The following CDKL4 variants were observed in gnomAD, a reference collection of about 807,000 sequenced individuals.
CDKL4 encodes the protein cyclin-dependent kinase-like 4.
A neutral mutation model predicts 42.0 loss-of-function variants in CDKL4; 44 were observed. That is an observed-to-expected ratio of 1.05 (90% CI 0.82 to 1.35). CDKL4 has a LOEUF of 1.35. CDKL4 is among the 40% of genes most tolerant of loss of function. The pLI, the probability that CDKL4 is intolerant of heterozygous loss-of-function variation, is 0.00. For missense variants in CDKL4, 393 were observed against 369.9 expected, an observed-to-expected ratio of 1.06 and a Z score of -0.51; for synonymous variants, 120 against 121.6, an observed-to-expected ratio of 0.99 and a Z score of 0.09.
exon 6 of CDKL4, chr2:39,190,311 T>C (rs1439006185): frequency 6.2e-7 from 1 of 1,613,844 alleles, no homozygotes; most frequent in South Asian, 1.1e-5. Flanking sequence ...ATACCTAGTG[T>C]TCTGATTATC....
downstream of CDKL4, chr2:39,175,618 G>C (rs1015944807): frequency 2.4e-5 from 4 of 168,186 alleles, no homozygotes; most frequent in African/African-American, 2.4e-5. Context: ...AGTGAGGCAG[G>C]CTATTTGATA....
intron 3 of CDKL4, among the ~76,000 whole-genome samples, chr2:39,217,279 T>G (rs984652680): frequency 6.6e-6 from 1 of 152,180 alleles, no homozygotes; most frequent in Admixed American, 6.5e-5. Context: ...CTGAAAGTAA[T>G]ACTAAAAGTC....
chr2:39,208,266 G>C (rs915909085), intron 4 of CDKL4, among the ~76,000 whole-genome samples: 1 of 151,910 alleles, frequency 6.6e-6, no homozygotes, highest in Non-Finnish European at 1.5e-5. Flanking sequence ...CTTGCAATCA[G>C]CTTATTTTCC....
chr2:39,246,776 C>T (rs527408104), upstream of CDKL4, among the ~76,000 whole-genome samples: 52 of 152,144 alleles, frequency 3.4e-4, no homozygotes, highest in African/African-American at 1.2e-3. Flanking sequence ...CAGAGGCTCA[C>T]TCTGTTGCCT....
intron 4 of CDKL4, among the ~76,000 whole-genome samples, chr2:39,210,315 A>T (rs188446029): frequency 4.3e-4 from 65 of 152,242 alleles, no homozygotes; most frequent in Admixed American, 3.8e-3. Flanking sequence ...TTTTTAATAG[A>T]GGCCACATAT....
Position 39,238,375 on chromosome 2 carries a change from T to C in CDKL4, c.-57+5496A>G, listed in dbSNP as rs187321430. Among the ~76,000 whole-genome samples, 176 of 152,252 alleles carry C rather than the reference T, an allele frequency of 1.2e-3. 1 individual carries two copies. The highest frequency in any genetic ancestry group is 2.1e-4 in the South Asian group (1 of 4,810). On this transcript the variant is annotated intron_variant, in intron 1 of 9. Transcript: ENST00000451199. ...CTGAGCCCAGGAGTTTGAGGCTACA[T>C]TGAGTTATGATTATGCCACTGCACT...
intron 4 of CDKL4, among the ~76,000 whole-genome samples, chr2:39,212,675 T>C (rs1251309486): frequency 6.6e-6 from 1 of 152,074 alleles, no homozygotes; most frequent in Non-Finnish European, 1.5e-5. Context: ...ACTATTATTT[T>C]TGGAGACAGG....
chr2:39,233,653 G>A (rs956096124), intron 1 of CDKL4, among the ~76,000 whole-genome samples: 1 of 151,586 alleles, frequency 6.6e-6, no homozygotes, highest in Non-Finnish European at 1.5e-5. Flanking sequence ...AGGGAAAGCC[G>A]TCCCCATACA....
chr2:39,210,491 C>A (rs1677525570), intron 4 of CDKL4, among the ~76,000 whole-genome samples: 1 of 152,156 alleles, frequency 6.6e-6, no homozygotes, highest in Admixed American at 6.5e-5. Flanking sequence ...ACTCATCCAA[C>A]CATCCACCCA....
chr2:39,221,732 A>G (rs914655723), intron 3 of CDKL4, among the ~76,000 whole-genome samples: 1 of 152,182 alleles, frequency 6.6e-6, no homozygotes, highest in Admixed American at 6.5e-5. Flanking sequence ...CACATATTCA[A>G]CAGAGGAGTT....
At position 39,223,560 on chromosome 2, in the gene CDKL4, A is replaced by T. The variant is rs57688570; in HGVS notation, c.290+2279T>A. 5.2e-4 allele frequency among the ~76,000 whole-genome samples: 72 copies of T among 139,604 alleles called. 1 individual carries two copies. In the South Asian group the frequency reaches 0.015, roughly 30 times the overall value. The allele number at this position is 139,604 out of a possible 152,430, so 91.6% of individuals were successfully genotyped here. On this transcript the variant is annotated intron_variant, in intron 3 of 9. Coordinates refer to ENST00000451199, the Ensembl canonical transcript of CDKL4. Reference sequence around the variant, plus strand: ...GGGAAGGATAAGCATGTTTTCTTAGATGTACTGGTCATTTCCTTCTCTTTT... The same window carrying T: ...GGGAAGGATAAGCATGTTTTCTTAGTTGTACTGGTCATTTCCTTCTCTTTT...
chr2:39,194,743 A>G (rs896985068), intron 5 of CDKL4, among the ~76,000 whole-genome samples: 64 of 152,234 alleles, frequency 4.2e-4, no homozygotes, highest in African/African-American at 1.4e-3. Flanking sequence ...TGACTTTAAA[A>G]TTTTTATCTC....
chr2:39,174,482 C>G (rs1455116480), downstream of CDKL4, among the ~76,000 whole-genome samples: 1 of 151,878 alleles, frequency 6.6e-6, no homozygotes, highest in East Asian at 1.9e-4. Context: ...TTCTACATAA[C>G]TGAATGAGAT....
intron 5 of CDKL4, among the ~76,000 whole-genome samples, chr2:39,196,017 C>T (rs986299297): frequency 6.6e-6 from 1 of 152,184 alleles, no homozygotes; most frequent in Non-Finnish European, 1.5e-5. Context: ...TGGATTACCA[C>T]TGCAGGCTCT....
At chr2:39,187,167 CT>C (rs1371543875) in intron 7 of CDKL4, among the ~76,000 whole-genome samples, 1 of 152,128 alleles carries the variant, frequency 6.6e-6, no homozygotes, top group African/African-American at 2.4e-5. Flanking sequence ...GCCCTCACCC[CT>C]CTCTCCTGCC....
chr2:39,230,491 T>A (rs951707872), intron 1 of CDKL4, among the ~76,000 whole-genome samples: 1 of 152,248 alleles, frequency 6.6e-6, no homozygotes, highest in African/African-American at 2.4e-5. Context: ...TTCTTTCACA[T>A]CTCTAGTGAT....
upstream of CDKL4, among the ~76,000 whole-genome samples, chr2:39,244,179 TGAG>T (rs1395695956): frequency 6.6e-6 from 1 of 152,192 alleles, no homozygotes; most frequent in Non-Finnish European, 1.5e-5. Flanking sequence ...TGGCGGCACT[TGAG>T]GAGCCCTTCA....
intron 9 of CDKL4, 73 bp downstream of exon 9, chr2:39,179,114 A>C: frequency 6.4e-7 from 1 of 1,553,466 alleles, no homozygotes; most frequent in East Asian, 2.2e-5. Flanking sequence ...ACCTTGTCTC[A>C]CTTTGAAAGG....
intron 4 of CDKL4, among the ~76,000 whole-genome samples, chr2:39,210,010 C>G (rs1265094063): frequency 6.6e-6 from 1 of 152,054 alleles, no homozygotes; most frequent in Admixed American, 6.6e-5. Context: ...TTTTTTGAGA[C>G]AGACTCTTGC....
Sources: gnomAD v4.1 joint callset for allele counts (sites outside exome capture counted in the v4.1 genomes callset) on GRCh38, gnomAD v4.1.1 for gene constraint, MANE v1.5 for transcripts, NCBI Gene and HGNC (gene_info 2026-07-23, HGNC 2026-07-21) for gene names.